Variants in TMEM131 observed in about 807,000 individuals in gnomAD.
The protein encoded by TMEM131 is 2610524E03Rik.
A neutral mutation model predicts 211.6 loss-of-function variants in TMEM131; 66 were observed. The observed-to-expected ratio is 0.31, with a 90% confidence interval of 0.26 to 0.38. The LOEUF (loss-of-function observed/expected upper bound fraction) is 0.38. TMEM131 is among the 10% of genes least tolerant of loss of function. The probability of loss-of-function intolerance (pLI) is 1.00; values close to 1 mark genes in which losing one functional copy is unlikely to be tolerated. For synonymous variants in TMEM131, 844 were observed against 841.3 expected (o/e 1.00, Z -0.06); for missense variants, 2,036 against 2,299.3 (o/e 0.89, Z 2.34).
intron 5 of TMEM131, among the ~76,000 whole-genome samples, chr2:97,847,877 A>T (rs1683523602): frequency 6.6e-6 from 1 of 152,186 alleles, no homozygotes; most frequent in Non-Finnish European, 1.5e-5. Flanking sequence ...CTTTAAAGTT[A>T]ATTCAAAAGA....
chr2:97,834,599 C>T (rs753419461), intron 10 of TMEM131, 22 bp downstream of exon 10: 1 of 1,495,334 alleles, frequency 6.7e-7, no homozygotes, highest in South Asian at 1.3e-5. Context: ...TCCATAAAGA[C>T]TCTTTTAAAA....
intron 4 of TMEM131, among the ~76,000 whole-genome samples, chr2:97,884,522 G>A (rs1267941194): frequency 6.6e-6 from 1 of 152,142 alleles, no homozygotes; most frequent in Non-Finnish European, 1.5e-5. Flanking sequence ...GTGGACTGCT[G>A]AAATCCCCAA....
intron 3 of TMEM131, among the ~76,000 whole-genome samples, chr2:97,895,769 T>C (rs1277753166): frequency 6.6e-6 from 1 of 152,176 alleles, no homozygotes; most frequent in Non-Finnish European, 1.5e-5. Flanking sequence ...TTTTCTTCTT[T>C]ATTAGTCTGG....
At chr2:97,841,292 G>C (rs1683179054) in intron 7 of TMEM131, among the ~76,000 whole-genome samples, 1 of 152,128 alleles carries the variant, frequency 6.6e-6, no homozygotes, top group African/African-American at 2.4e-5. Flanking sequence ...TCTCACACTT[G>C]AAAACAATTA....
intron 1 of TMEM131, among the ~76,000 whole-genome samples, chr2:97,944,802 GAC>G (rs1677955875): frequency 6.6e-6 from 1 of 151,998 alleles, no homozygotes; most frequent in African/African-American, 2.4e-5. Flanking sequence ...TAATAAAAAA[GAC>G]AACAATAAGC....
Position 97,766,115 on chromosome 2 carries a change from G to A in TMEM131, c.4722C>T (p.Ser1574=), listed in dbSNP as rs765519120. 2 of 1,613,992 alleles carry A rather than the reference G, an allele frequency of 1.2e-6. No individual in the cohort carries two copies. The highest frequency in any genetic ancestry group is 2.2e-5 in the East Asian group (1 of 44,890). The change falls in exon 35 of 41, where the codon AGC becomes AGT. Residue 1574 remains serine, a splice_region_variant and synonymous_variant. Coordinates refer to ENST00000186436, the MANE Select transcript of TMEM131 (RefSeq NM_015348.2). ...TGGTTTCTAAACTACTATACTTACA[G>A]CTGCCAGGTTTGTGAACTGGAACGG... ...WDSVPVHKPG[S]STDSLYKLSL...
At chr2:97,982,392 C>A (rs932532889) in intron 1 of TMEM131, among the ~76,000 whole-genome samples, 1 of 152,038 alleles carries the variant, frequency 6.6e-6, no homozygotes, top group African/African-American at 2.4e-5. Flanking sequence ...GTTATGAGTT[C>A]TTTATACATT....
intron 1 of TMEM131, among the ~76,000 whole-genome samples, chr2:97,980,171 C>T (rs1679723876): frequency 6.6e-6 from 1 of 152,222 alleles, no homozygotes; most frequent in East Asian, 1.9e-4. Flanking sequence ...TCACTGATTG[C>T]AGATTACCAT....
intron 15 of TMEM131, 25 bp from the exon 16 acceptor site, chr2:97,812,774 T>C: frequency 1.5e-6 from 2 of 1,352,180 alleles, no homozygotes; most frequent in Middle Eastern, 2.3e-4. Flanking sequence ...AAGAACCAGA[T>C]TAAAAAAAAG....
At chr2:97,852,700 G>A (rs1233570184) in intron 5 of TMEM131, among the ~76,000 whole-genome samples, 2 of 152,222 alleles carry the variant, frequency 1.3e-5, no homozygotes, top group African/African-American at 2.4e-5. Context: ...ATTGATGAAC[G>A]TGGCCACACT....
chr2:97,882,184 G>A (rs972865793), intron 4 of TMEM131, among the ~76,000 whole-genome samples: 1 of 152,120 alleles, frequency 6.6e-6, no homozygotes, highest in African/African-American at 2.4e-5. Flanking sequence ...TATCTATGGG[G>A]TAGCTTTGTG....
chr2:97,866,723 C>T (rs1192608919), intron 4 of TMEM131, among the ~76,000 whole-genome samples: 2 of 152,028 alleles, frequency 1.3e-5, no homozygotes, highest in East Asian at 1.9e-4. Context: ...TCTAATTTCC[C>T]TTTTGATTTA....
intron 11 of TMEM131, among the ~76,000 whole-genome samples, chr2:97,830,903 C>T (rs1398432264): frequency 6.6e-6 from 1 of 152,244 alleles, no homozygotes. Flanking sequence ...GCTTCTAGCA[C>T]TGCTTAGCAA....
chr2:97,832,023 A>AAAAAAAAAAAAC, intron 11 of TMEM131, among the ~76,000 whole-genome samples: 1 of 150,658 alleles, frequency 6.6e-6, no homozygotes, highest in Non-Finnish European at 1.5e-5. Flanking sequence ...AAAAAAAAAA[A>AAAAAAAAAAAAC]AAAGCAGCTC....
At position 97,815,215 on chromosome 2, in the gene TMEM131, C is replaced by T. The variant is rs1253950120; in HGVS notation, c.1276G>A (p.Ala426Thr). The T allele has an allele frequency of 2.6e-6, 4 of 1,540,592 alleles. No homozygotes were observed. Among genetic ancestry groups the T allele is most frequent in the Non-Finnish European group, 3.5e-6 (4 of 1,151,204 alleles). Residue 426 changes from alanine (A) to threonine (T), a missense_variant, in exon 13 of 41, where the codon GCA becomes ACA. Around this residue, in one of 3 missense-constraint regions of TMEM131, gnomAD observed 1,623 missense variants for 1,805.9 expected, o/e 0.90. Transcript: ENST00000186436. ...GAAACTCACCCATCTAAAACTTCTG[C>T]TTGATATGGTATTTCAAGTTTAGAA... is the stretch of plus-strand genomic sequence containing the variant. The part of the protein sequence containing the change: ...SYSKLEIPYQ[A>T]EVLDGYLGFD...
At chr2:97,942,389 C>T (rs1354795423) in intron 1 of TMEM131, among the ~76,000 whole-genome samples, 2 of 150,784 alleles carry the variant, frequency 1.3e-5, no homozygotes, top group South Asian at 2.1e-4. Flanking sequence ...GACGAGTTAA[C>T]GGGTACAACA....
intron 5 of TMEM131, among the ~76,000 whole-genome samples, chr2:97,854,182 G>A (rs769762592): frequency 6.6e-6 from 1 of 152,176 alleles, no homozygotes; most frequent in Non-Finnish European, 1.5e-5. Context: ...TCAACATTGA[G>A]GGAAGGCCCT....
intron 1 of TMEM131, among the ~76,000 whole-genome samples, chr2:97,929,212 T>C (rs573856956): frequency 2.4e-4 from 37 of 151,528 alleles, no homozygotes; most frequent in Admixed American, 5.9e-4. Flanking sequence ...CTGATGGGGA[T>C]AGAGAAAGGA....
intron 35 of TMEM131, chr2:97,765,444 G>A (rs1679113901): frequency 6.6e-6 from 1 of 152,410 alleles, no homozygotes; most frequent in African/African-American, 2.4e-5. Flanking sequence ...ACACAGTGGT[G>A]AGTGCGGACC....
Sources: allele counts gnomAD v4.1 joint callset (sites outside exome capture counted in the v4.1 genomes callset), GRCh38; gene constraint gnomAD v4.1.1; regional missense constraint gnomAD v4.1.1; transcripts MANE v1.5; gene names NCBI Gene and HGNC (gene_info 2026-07-23, HGNC 2026-07-21).